TOX4: variants seen among roughly 807,000 people sequenced by gnomAD.
The protein encoded by TOX4 is TOX high mobility group box family member 4, also known as epidermal Langerhans cell protein LCP1.
In TOX4, 12 loss-of-function variants were observed where a neutral mutation model predicts 61.0. That is an observed-to-expected ratio of 0.20 (90% CI 0.13 to 0.32). TOX4 has a LOEUF of 0.32. TOX4 is among the 10% of genes least tolerant of loss of function. The pLI is 1.00. For missense variants in TOX4, 499 were observed against 753.3 expected (o/e 0.66, Z 3.95); for synonymous variants, 268 against 274.8 (o/e 0.98, Z 0.24).
Position 21,488,616 on chromosome 14 carries a change from G to A in TOX4, c.345G>A (p.Gln115=), listed in dbSNP as rs1192728656. 3 of 1,614,000 alleles carry A rather than the reference G, an allele frequency of 1.9e-6. No homozygotes were observed. The highest frequency in any genetic ancestry group is 1.6e-4 in the Middle Eastern group (1 of 6,084). ...ACTTGGACCACTCTATAGGAACTCA[G>A]TATAGTGCCAACCCACCTGTTACAA... ...TMDLDHSIGT[Q]YSANPPVTID... The change falls in exon 4 of 9, where the codon CAG becomes CAA. Residue 115 remains glutamine (Q), a synonymous_variant. Coordinates refer to ENST00000448790, the MANE Select transcript of TOX4 (RefSeq NM_014828.4).
intron 8 of TOX4, 51 bp downstream of exon 8, chr14:21,495,443 G>A (rs1211815472): frequency 6.4e-7 from 1 of 1,562,378 alleles, no homozygotes; most frequent in Non-Finnish European, 8.7e-7. Flanking sequence ...CAATTCTACT[G>A]GGAAACATAG....
At chr14:21,481,071 CAA>C (rs1295802928) in intron 2 of TOX4, among the ~76,000 whole-genome samples, 2 of 152,110 alleles carry the variant, frequency 1.3e-5, no homozygotes, top group Admixed American at 6.6e-5. Flanking sequence ...GCCTGGGCAA[CAA>C]GAGAGAAACT....
rs1004899234 is a variant in TOX4, at chr14:21,498,069, A to G, written c.*1463A>G. On this transcript the variant is annotated 3_prime_UTR_variant, in exon 9 of 9. Coordinates refer to ENST00000448790, the MANE Select transcript of TOX4 (RefSeq NM_014828.4). ...ATGAGGTAATACTCCCATTTCACAT[A>G]TAATACTGAGAGATGAGTTGCACAA... The G allele has an allele frequency of 8.7e-6, 5 of 577,338 alleles. No individual in the cohort carries two copies. The highest frequency in any genetic ancestry group is 4.5e-4 in the Middle Eastern group (1 of 2,228). The allele number at this position is 577,338 out of a possible 1,614,324, so 35.8% of individuals were successfully genotyped here. A position where few individuals can be genotyped will look rare whatever the true frequency, so the allele number is the denominator to read the frequency against.
intron 3 of TOX4, 63 bp downstream of exon 3, chr14:21,487,756 G>GTTA: frequency 6.5e-7 from 1 of 1,534,214 alleles, no homozygotes; most frequent in Non-Finnish European, 8.8e-7. Context: ...GGGAGACAAA[G>GTTA]TTACTCTATT....
At chr14:21,483,248 TTTG>T (rs1891137984) in intron 2 of TOX4, among the ~76,000 whole-genome samples, 1 of 152,176 alleles carries the variant, frequency 6.6e-6, no homozygotes, top group South Asian at 2.1e-4. Flanking sequence ...AAGTTGCTGT[TTTG>T]TTGTGGTAAG....
rs1394499533 is a variant in TOX4 at position 21,497,453 on chromosome 14, G to A, written c.*847G>A. 1 of 151,302 alleles carries A rather than the reference G, an allele frequency of 6.6e-6. No individual in the cohort carries two copies. Among genetic ancestry groups the A allele is most frequent in the African/African-American group, 2.4e-5 (1 of 41,180 alleles). 9.4% of individuals were successfully genotyped at this position (151,302 alleles called of 1,614,324 possible). On this transcript the variant is annotated 3_prime_UTR_variant, in exon 9 of 9. Transcript: ENST00000448790. Reference sequence around the variant, plus strand: ...TTGTAGACAGGAATGCTGTCCTAGAGAACCTCCTCCTCAACCAGCTACGTA... The same window carrying A: ...TTGTAGACAGGAATGCTGTCCTAGAAAACCTCCTCCTCAACCAGCTACGTA...
Position 21,498,874 on chromosome 14 carries a change from T to C in TOX4, c.*2268T>C, listed in dbSNP as rs959918168. ...TCTAATGAATATTTGTAGAATCTCATAAAACAGTTTAAATACAAGCTTAAG... is the reference window on the plus strand; with the variant it reads ...TCTAATGAATATTTGTAGAATCTCACAAAACAGTTTAAATACAAGCTTAAG... On this transcript the variant is annotated 3_prime_UTR_variant, in exon 9 of 9. Transcript: ENST00000448790. The C allele has an allele frequency of 4.1e-5, 25 of 616,414 alleles. No individual in the cohort carries two copies. Among genetic ancestry groups the C allele is most frequent in the African/African-American group, 1.1e-4 (6 of 54,030 alleles). 38.2% of individuals were successfully genotyped at this position (616,414 alleles called of 1,614,324 possible).
intron 2 of TOX4, among the ~76,000 whole-genome samples, chr14:21,483,918 G>A (rs369052853): frequency 1.3e-5 from 2 of 151,584 alleles, no homozygotes; most frequent in African/African-American, 2.4e-5. Context: ...AGCGATTCTC[G>A]TGCCTCAGCC....
intron 3 of TOX4, 68 bp from the exon 4 acceptor site, chr14:21,488,522 T>C (rs1891228204): frequency 6.6e-7 from 1 of 1,519,274 alleles, no homozygotes; most frequent in Non-Finnish European, 9.0e-7. Flanking sequence ...ATAAGCTGTC[T>C]TAAATTTAGG....
At chr14:21,481,996 A>G (rs555493361) in intron 2 of TOX4, among the ~76,000 whole-genome samples, 1 of 152,222 alleles carries the variant, frequency 6.6e-6, no homozygotes, top group Non-Finnish European at 1.5e-5. Flanking sequence ...TGCATATGTA[A>G]AAAATCCATT....
rs766887097 is a variant in TOX4 at position 21,498,103 on chromosome 14, A to G, written c.*1497A>G. On this transcript the variant is annotated 3_prime_UTR_variant, in exon 9 of 9. Transcript: ENST00000448790. Reference sequence around the variant, plus strand: ...AGAGATGAGTTGCACAAGATTATACACTGTTAAGTAGCAGAGCCAGAATGG... The same window carrying G: ...AGAGATGAGTTGCACAAGATTATACGCTGTTAAGTAGCAGAGCCAGAATGG... The G allele has an allele frequency of 1.6e-4, 100 of 607,364 alleles. No homozygotes were observed. The highest frequency in any genetic ancestry group is 2.3e-4 in the Non-Finnish European group (79 of 342,990). 37.6% of individuals were successfully genotyped at this position (607,364 alleles called of 1,614,324 possible).
chr14:21,491,516 G>A (rs1003210579), intron 5 of TOX4, among the ~76,000 whole-genome samples: 7 of 149,912 alleles, frequency 4.7e-5, no homozygotes, highest in South Asian at 4.2e-4. Context: ...CCATCACCAC[G>A]CCGGGCTAGT....
In TOX4 at chr14:21,498,230, GGATTCTTA is replaced by G; in HGVS notation, c.*1626_*1633del. ...GTTTAGCTTACAGAGCCATGGCTAT[GGATTCTTA>G]GCTCTGTAAGGAAGTGCTTCTATAA... On this transcript the variant is annotated 3_prime_UTR_variant, in exon 9 of 9. Coordinates refer to ENST00000448790, the MANE Select transcript of TOX4 (RefSeq NM_014828.4). The G allele has an allele frequency of 7.7e-7, 1 of 1,294,178 alleles. No individual in the cohort carries two copies. Among genetic ancestry groups the G allele is most frequent in the Non-Finnish European group, 1.1e-6 (1 of 888,500 alleles). The allele number at this position is 1,294,178 out of a possible 1,614,324, so 80.2% of individuals were successfully genotyped here.
chr14:21,498,224 G>A lies in TOX4; in HGVS notation c.*1618G>A. 8.2e-7 allele frequency: 1 copy of A among 1,224,708 alleles called. No homozygotes were observed. Among genetic ancestry groups the A allele is most frequent in the Non-Finnish European group, 1.2e-6 (1 of 825,444 alleles). 75.9% of individuals were successfully genotyped at this position (1,224,708 alleles called of 1,614,324 possible). A position where few individuals can be genotyped will look rare whatever the true frequency, so the allele number is the denominator to read the frequency against. Reference sequence around the variant, plus strand: ...CTTCAGGTTTAGCTTACAGAGCCATGGCTATGGATTCTTAGCTCTGTAAGG... The same window carrying A: ...CTTCAGGTTTAGCTTACAGAGCCATAGCTATGGATTCTTAGCTCTGTAAGG... On this transcript the variant is annotated 3_prime_UTR_variant, in exon 9 of 9. Transcript: ENST00000448790.
intron 3 of TOX4, chr14:21,488,082 A>AAAAGG (rs1555324985): frequency 1.3e-5 from 2 of 152,584 alleles, no homozygotes; most frequent in African/African-American, 5.0e-5. Context: ...AAAAAAAAAA[A>AAAAGG]GTCTGAGCCA....
At chr14:21,487,404 A>G in intron 2 of TOX4, 47 bp from the exon 3 acceptor site, 1 of 1,594,758 alleles carries the variant, frequency 6.3e-7, no homozygotes, top group Non-Finnish European at 8.6e-7. Context: ...GTAGTATGCC[A>G]TTTCTCCTCT....
At chr14:21,488,236 A>G (rs1052773898) in intron 3 of TOX4, 4 of 210,856 alleles carry the variant, frequency 1.9e-5, no homozygotes, top group African/African-American at 9.3e-5. Flanking sequence ...TATGTATTAC[A>G]ATTTTAAAAG....
chr14:21,490,473 C>T (rs1891267877), intron 5 of TOX4, among the ~76,000 whole-genome samples: 1 of 152,138 alleles, frequency 6.6e-6, no homozygotes, highest in Admixed American at 6.6e-5. Flanking sequence ...GAAACTCCAT[C>T]TCAAAAAATA....
At position 21,485,790 on chromosome 14, in the gene TOX4, C is replaced by G. The variant is rs1472722254; in HGVS notation, c.76-1661C>G. Among the ~76,000 whole-genome samples, 2 of 97,364 alleles carry G rather than the reference C, an allele frequency of 2.1e-5. 1 individual carries two copies. 63.9% of individuals were successfully genotyped at this position (97,364 alleles called of 152,430 possible). ...CTGAGGCAGGAGAACTGCTTGAACCCGGGAGGTGGAGGTTGTAGTGAGCCA... is the reference window on the plus strand; with the variant it reads ...CTGAGGCAGGAGAACTGCTTGAACCGGGGAGGTGGAGGTTGTAGTGAGCCA... On this transcript the variant is annotated intron_variant, in intron 2 of 8. Transcript: ENST00000448790.
Sources: allele counts gnomAD v4.1 joint callset (sites outside exome capture counted in the v4.1 genomes callset), GRCh38; gene constraint gnomAD v4.1.1; transcripts MANE v1.5; gene names NCBI Gene and HGNC (gene_info 2026-07-23, HGNC 2026-07-21).